The following PLEKHA7 variants were observed in gnomAD, a reference collection of about 807,000 sequenced individuals.
PLEKHA7 encodes pleckstrin homology domain-containing family A member 7.
A neutral mutation model predicts 170.0 loss-of-function variants in PLEKHA7; 104 were observed. That is an observed-to-expected ratio of 0.61 (90% CI 0.52 to 0.72). The LOEUF (loss-of-function observed/expected upper bound fraction) is 0.72. Among genes scored for constraint, PLEKHA7 ranks in the 30% least tolerant of loss-of-function variants. PLEKHA7 has a pLI of 0.00. For missense variants in PLEKHA7, 1,615 were observed against 1,671.7 expected (o/e 0.97, Z 0.59); for synonymous variants, 648 against 660.8 (o/e 0.98, Z 0.30).
At chr11:16,888,939 AT>A (rs1242170077) in intron 3 of PLEKHA7, among the ~76,000 whole-genome samples, 1 of 120,086 alleles carries the variant, frequency 8.3e-6, no homozygotes, top group East Asian at 2.1e-4. Flanking sequence ...TCTACTAAAA[AT>A]TAAAAAAAAA....
chr11:16,821,457 AAAAGTTT>A (rs1275656455), intron 10 of PLEKHA7, among the ~76,000 whole-genome samples: 6 of 152,240 alleles, frequency 3.9e-5, no homozygotes, highest in African/African-American at 1.4e-4. Flanking sequence ...CATATCCTAA[AAAAGTTT>A]AATGTGAAAT....
chr11:16,863,525 C>A (rs1291842501), intron 4 of PLEKHA7, among the ~76,000 whole-genome samples: 1 of 152,186 alleles, frequency 6.6e-6, no homozygotes, highest in African/African-American at 2.4e-5. Context: ...CGCATACTGT[C>A]TTCTCTCAAC....
intron 3 of PLEKHA7, among the ~76,000 whole-genome samples, chr11:16,987,694 C>G (rs893120723): frequency 6.6e-6 from 1 of 152,160 alleles, no homozygotes; most frequent in Non-Finnish European, 1.5e-5. Context: ...TGCTCCTTTT[C>G]CTGCATAATG....
intron 3 of PLEKHA7, among the ~76,000 whole-genome samples, chr11:16,959,497 T>C (rs1237090372): frequency 2.6e-5 from 4 of 152,226 alleles, no homozygotes; most frequent in African/African-American, 9.6e-5. Context: ...GCTTGGATTA[T>C]CTTTTTTCAG....
chr11:16,814,929 C>T (rs1849636345), intron 12 of PLEKHA7, among the ~76,000 whole-genome samples: 1 of 152,246 alleles, frequency 6.6e-6, no homozygotes, highest in East Asian at 1.9e-4. Context: ...CTGGCAGTCA[C>T]TACTTACAGC....
chr11:16,906,388 C>T (rs1311803887), intron 3 of PLEKHA7, among the ~76,000 whole-genome samples: 3 of 137,738 alleles, frequency 2.2e-5, no homozygotes, highest in Non-Finnish European at 4.5e-5. Flanking sequence ...CTGGACTGTA[C>T]TGCTGCCATC....
At chr11:16,822,034 T>TC (rs144381047) in intron 10 of PLEKHA7, among the ~76,000 whole-genome samples, 2,693 of 151,444 alleles carry the variant, frequency 0.018, 75 homozygotes, top group African/African-American at 0.06. Flanking sequence ...TCCTATGCCC[T>TC]CCCCACCCAC....
At chr11:16,865,587 G>A (rs1854323773) in intron 4 of PLEKHA7, among the ~76,000 whole-genome samples, 1 of 32,216 alleles carries the variant, frequency 3.1e-5, no homozygotes, top group Non-Finnish European at 1.5e-4. Flanking sequence ...AGCTGGGTGT[G>A]ATGGTGGGCT....
At position 16,912,905 on chromosome 11, in the gene PLEKHA7, G is replaced by A. The variant is rs1465237043; in HGVS notation, c.222-41723C>T. 7.2e-5 allele frequency among the ~76,000 whole-genome samples: 11 copies of A among 152,208 alleles called. No individual in the cohort carries two copies. In the East Asian group the frequency reaches 1.9e-3, roughly 27 times the overall value. On this transcript the variant is annotated intron_variant, in intron 3 of 26. Transcript: ENST00000531066. The stretch of plus-strand genomic sequence containing the variant: ...CAGCTCTAAAATGCCTAAGTGAGGG[G>A]ACACAAGGGGCCTCTTGCTGCCCAT...
chr11:16,782,171 ACC>A (rs1491343517), intron 26 of PLEKHA7, among the ~76,000 whole-genome samples: 36 of 151,026 alleles, frequency 2.4e-4, no homozygotes, highest in East Asian at 5.8e-4. Flanking sequence ...ACACACACAC[ACC>A]CACACACACA....
rs1191065244 is a variant in PLEKHA7 at position 17,014,143 on chromosome 11, C to T, written c.145G>A (p.Gly49Ser). 4 of 1,602,150 alleles carry T rather than the reference C, an allele frequency of 2.5e-6. No homozygotes were observed. The highest frequency in any genetic ancestry group is 3.4e-6 in the Non-Finnish European group (4 of 1,175,808). Reference protein sequence around the residue: ...HPRTGEPVNSGHMIRSDLPRG... With the variant: ...HPRTGEPVNSSHMIRSDLPRG... ...CGCCCACCTGAGCGGATCATGTGGC[C>T]CGAGTTGACGGGCTCCCCGGTGCGC... The change falls in exon 2 of 27, where the codon GGC becomes AGC. Residue 49 changes from glycine to serine, a missense_variant. Coordinates refer to ENST00000531066, the MANE Select transcript of PLEKHA7 (RefSeq NM_001329630.2).
At chr11:16,940,282 T>G (rs1463956717) in intron 3 of PLEKHA7, among the ~76,000 whole-genome samples, 1 of 38,704 alleles carries the variant, frequency 2.6e-5, no homozygotes, top group African/African-American at 5.4e-5. Context: ...TCTTCTGCTG[T>G]TTTTTTTTTT....
intron 3 of PLEKHA7, among the ~76,000 whole-genome samples, chr11:16,914,284 T>C (rs1858472822): frequency 6.6e-6 from 1 of 152,216 alleles, no homozygotes; most frequent in Non-Finnish European, 1.5e-5. Context: ...AGCACATTAT[T>C]TGAATAATTA....
Position 16,790,153 on chromosome 11 carries a change from G to A in PLEKHA7, c.3053-275C>T, listed in dbSNP as rs1380292392. 12 of 455,650 alleles carry A rather than the reference G, an allele frequency of 2.6e-5. No homozygotes were observed. In the Admixed American group the frequency reaches 4.5e-4, roughly 17 times the overall value. 28.2% of individuals were successfully genotyped at this position (455,650 alleles called of 1,614,324 possible). A position where few individuals can be genotyped will look rare whatever the true frequency, so the allele number is the denominator to read the frequency against. ...TTACATGCAGATGACTGGGCTGCCTGGCAGGTAGAAAGGCTGGCGGGGCAG... is the reference window on the plus strand; with the variant it reads ...TTACATGCAGATGACTGGGCTGCCTAGCAGGTAGAAAGGCTGGCGGGGCAG... On this transcript the variant is annotated intron_variant, in intron 21 of 26. Coordinates refer to ENST00000531066, the MANE Select transcript of PLEKHA7 (RefSeq NM_001329630.2).
intron 3 of PLEKHA7, among the ~76,000 whole-genome samples, chr11:16,958,950 GA>G (rs1323490583): frequency 6.6e-6 from 1 of 152,148 alleles, no homozygotes; most frequent in Non-Finnish European, 1.5e-5. Flanking sequence ...CGGGTGGGGG[GA>G]AAGAGGCCTA....
chr11:16,899,175 C>T (rs534904007), intron 3 of PLEKHA7, among the ~76,000 whole-genome samples: 1 of 152,152 alleles, frequency 6.6e-6, no homozygotes, highest in Non-Finnish European at 1.5e-5. Context: ...GGGTTTTACT[C>T]TGGGGAAATG....
In PLEKHA7 at chr11:16,852,296, T is replaced by C. The variant is rs753760531; in HGVS notation, c.582A>G (p.Leu194=). 3.7e-6 allele frequency: 6 copies of C among 1,613,874 alleles called. No individual in the cohort carries two copies. Among genetic ancestry groups the C allele is most frequent in the African/African-American group, 1.3e-5 (1 of 74,912 alleles). ...RRWFVLADYC[L]FYYKDSREEA... ...TTGTTAGCTCACCTTTATAGTAAAA[T>C]AAGCAGTAATCAGCAAGCACAAACC... The change falls in exon 7 of 27, where the codon TTA becomes TTG. Residue 194 remains leucine (L), a synonymous_variant. Coordinates refer to ENST00000531066, the MANE Select transcript of PLEKHA7 (RefSeq NM_001329630.2).
Position 16,802,956 on chromosome 11 carries a change from CA to C in PLEKHA7, c.2157+15del. ...TCCCTCTGCCCATTCCAAGATTATT[CA>C]AAACTGACACGTACTTTGTTCTCTT... On this transcript the variant is annotated intron_variant, in intron 15 of 26. Coordinates refer to ENST00000531066, the MANE Select transcript of PLEKHA7 (RefSeq NM_001329630.2). 1.2e-6 allele frequency: 2 copies of C among 1,603,648 alleles called. No individual in the cohort carries two copies. Among genetic ancestry groups the C allele is most frequent in the East Asian group, 4.5e-5 (2 of 44,832 alleles).
At chr11:16,832,873 T>C (rs1851223602) in intron 9 of PLEKHA7, among the ~76,000 whole-genome samples, 1 of 152,112 alleles carries the variant, frequency 6.6e-6, no homozygotes. Context: ...CAGCCTGTGT[T>C]AACAGATCCT....
Sources: allele counts gnomAD v4.1 joint callset (sites outside exome capture counted in the v4.1 genomes callset), GRCh38; gene constraint gnomAD v4.1.1; transcripts MANE v1.5; gene names NCBI Gene and HGNC (gene_info 2026-07-23, HGNC 2026-07-21).